CYP46A1: variants seen among roughly 807,000 people sequenced by gnomAD.
CYP46A1 encodes the protein cholesterol 24-hydroxylase.
Under a neutral mutation model 63.3 loss-of-function variants are expected in CYP46A1, and 20 were observed. The observed-to-expected ratio is 0.32, with a 90% CI of 0.22 to 0.46. CYP46A1 has a LOEUF of 0.46. Ranked by LOEUF, CYP46A1 falls within the 20% of genes least tolerant of loss-of-function variation. CYP46A1 has a pLI of 1.00. For missense variants in CYP46A1, 445 were observed against 670.8 expected (o/e 0.66, Z 3.72); for synonymous variants, 268 against 273.6 (o/e 0.98, Z 0.20).
At chr14:99,689,374 CA>C (rs1481274491) in intron 1 of CYP46A1, among the ~76,000 whole-genome samples, 4 of 152,172 alleles carry the variant, frequency 2.6e-5, no homozygotes, top group Non-Finnish European at 4.4e-5. Context: ...ACCAATAAAA[CA>C]AGTTACCTCT....
intron 1 of CYP46A1, among the ~76,000 whole-genome samples, chr14:99,690,157 C>T (rs532073523): frequency 3.3e-5 from 5 of 152,334 alleles, no homozygotes; most frequent in Admixed American, 1.3e-4. Flanking sequence ...AGGGACACTG[C>T]GTGCCCTGCC....
At chr14:99,694,892 T>C (rs2056574387) in intron 3 of CYP46A1, among the ~76,000 whole-genome samples, 1 of 152,244 alleles carries the variant, frequency 6.6e-6, no homozygotes, top group Non-Finnish European at 1.5e-5. Context: ...AACAATTGAT[T>C]TTAGACATTT....
intron 8 of CYP46A1, 52 bp downstream of exon 8, chr14:99,716,012 C>T (rs749501515): frequency 6.2e-7 from 1 of 1,600,932 alleles, no homozygotes; most frequent in African/African-American, 1.3e-5. Context: ...CCAGGACGTT[C>T]CCCAGGTGAT....
At chr14:99,687,355 T>C (rs747341838) in intron 1 of CYP46A1, among the ~76,000 whole-genome samples, 5 of 152,220 alleles carry the variant, frequency 3.3e-5, no homozygotes, top group Non-Finnish European at 7.3e-5. Flanking sequence ...TGGGGATAAA[T>C]TGACTCCTCC....
intron 7 of CYP46A1, chr14:99,709,282 T>A (rs1595196386): frequency 6.6e-6 from 1 of 151,910 alleles, no homozygotes; most frequent in Admixed American, 6.6e-5. Flanking sequence ...AGAACACAGA[T>A]AAAAATGCAA....
At chr14:99,701,266 A>G (rs2056628413) in intron 5 of CYP46A1, among the ~76,000 whole-genome samples, 1 of 152,216 alleles carries the variant, frequency 6.6e-6, no homozygotes, top group South Asian at 2.1e-4. Context: ...AGCGTGCAGT[A>G]ATGTCCTAGG....
intron 3 of CYP46A1, 71 bp downstream of exon 3, chr14:99,691,932 C>A: frequency 1.3e-6 from 2 of 1,481,766 alleles, no homozygotes; most frequent in South Asian, 1.1e-5. Flanking sequence ...AAGCCTGGTC[C>A]CAGAGACTTT....
chr14:99,698,718 G>A (rs943070407), intron 3 of CYP46A1, among the ~76,000 whole-genome samples: 3 of 152,236 alleles, frequency 2.0e-5, no homozygotes, highest in Admixed American at 6.5e-5. Context: ...AGCATGTGGT[G>A]CAGCAGGGAT....
At chr14:99,702,961 GC>G (rs2056644914) in intron 5 of CYP46A1, among the ~76,000 whole-genome samples, 4 of 151,984 alleles carry the variant, frequency 2.6e-5, no homozygotes, top group African/African-American at 2.4e-5. Flanking sequence ...TGTCACTTTA[GC>G]CCCCTTTATT....
intron 7 of CYP46A1, chr14:99,709,640 C>A (rs539178727): frequency 6.6e-6 from 1 of 152,158 alleles, no homozygotes; most frequent in Non-Finnish European, 1.5e-5. Flanking sequence ...TAGCTGAAAA[C>A]TTCTCAAGTC....
In CYP46A1 at chr14:99,722,594, C is replaced by A. The variant is rs1465238798; in HGVS notation, c.1176+528C>A. ...CAGGAAACTAGGATATAGTCACTCC[C>A]TGCTCCGCTGACAAGGAATCACTAA... On this transcript the variant is annotated intron_variant, in intron 12 of 14. Transcript: ENST00000261835. This position sits in a 1 kb window ranked among gnomAD's most constrained non-coding sequence, Gnocchi z 4.6. Among the ~76,000 whole-genome samples the A allele has an allele frequency of 6.6e-6, 1 of 151,678 alleles. No homozygotes were observed. The highest frequency in any genetic ancestry group is 2.4e-5 in the African/African-American group (1 of 41,328).
intron 3 of CYP46A1, 78 bp downstream of exon 3, chr14:99,691,939 C>G: frequency 7.0e-7 from 1 of 1,431,638 alleles, no homozygotes; most frequent in Non-Finnish European, 9.8e-7. Context: ...GTCCCAGAGA[C>G]TTTGGATGAA....
rs529027937 is a variant in CYP46A1, at chr14:99,726,852, C to A, written c.*125C>A. 1.2e-6 allele frequency: 1 copy of A among 803,204 alleles called. No homozygotes were observed. The highest frequency in any genetic ancestry group is 1.8e-6 in the Non-Finnish European group (1 of 550,966). The allele number at this position is 803,204 out of a possible 1,614,324, so 49.8% of individuals were successfully genotyped here. Reference sequence around the variant, plus strand: ...GGCCACCCTTCACGCTGGCTTCCAGCGGGCCCTCTGCCGACCGCCTGCTTC... The same window carrying A: ...GGCCACCCTTCACGCTGGCTTCCAGAGGGCCCTCTGCCGACCGCCTGCTTC... On this transcript the variant is annotated 3_prime_UTR_variant, in exon 15 of 15. Transcript: ENST00000261835.
rs143827285 is a variant in CYP46A1, at chr14:99,703,558, G to T, written c.444-3089G>T. 14 of 984,658 alleles carry T rather than the reference G, an allele frequency of 1.4e-5. No homozygotes were observed. In the East Asian group the frequency reaches 1.4e-3, roughly 96 times the overall value. 61.0% of individuals were successfully genotyped at this position (984,658 alleles called of 1,614,324 possible). A position where few individuals can be genotyped will look rare whatever the true frequency, so the allele number is the denominator to read the frequency against. ...TCTGGAAACCACTGTGCTTTTTCTGGCATCTCTGCTGTTCCCACTGCCTCA... is the reference window on the plus strand; with the variant it reads ...TCTGGAAACCACTGTGCTTTTTCTGTCATCTCTGCTGTTCCCACTGCCTCA... On this transcript the variant is annotated intron_variant, in intron 5 of 14. Transcript: ENST00000261835.
At chr14:99,690,436 T>G (rs1316782296) in intron 1 of CYP46A1, among the ~76,000 whole-genome samples, 1 of 152,176 alleles carries the variant, frequency 6.6e-6, no homozygotes, top group African/African-American at 2.4e-5. Flanking sequence ...TGGGAGAACG[T>G]GATTTTGTTG....
At position 99,699,524 on chromosome 14, in the gene CYP46A1, C is replaced by A; in HGVS notation, c.341C>A (p.Thr114Asn). 6.2e-7 allele frequency: 1 copy of A among 1,614,172 alleles called. No homozygotes were observed. Among genetic ancestry groups the A allele is most frequent in the Middle Eastern group, 1.6e-4 (1 of 6,062 alleles). The change falls in exon 4 of 15, where the codon ACT becomes AAT. Residue 114 changes from threonine to asparagine, a missense_variant. Coordinates refer to ENST00000261835, the MANE Select transcript of CYP46A1 (RefSeq NM_006668.2). ...TCCAAGATGTACCGTGCGCTCCAGA[C>A]TGTGTTTGGTGAGAGGTAAGGAGGT... ...KDSKMYRALQ[T>N]VFGERLFGQG...
intron 1 of CYP46A1, among the ~76,000 whole-genome samples, chr14:99,689,449 A>C (rs1217358812): frequency 6.6e-6 from 1 of 152,154 alleles, no homozygotes; most frequent in Non-Finnish European, 1.5e-5. Flanking sequence ...GCCCAGAGCT[A>C]CCCCAGAAGT....
At chr14:99,708,839 C>T (rs1378776132) in intron 7 of CYP46A1, 1 of 152,332 alleles carries the variant, frequency 6.6e-6, no homozygotes, top group Non-Finnish European at 1.5e-5. Context: ...CCACTGTTGC[C>T]ACCAGTGATG....
At chr14:99,691,618 A>G in intron 2 of CYP46A1, 162 bp from the exon 3 acceptor site, 1 of 653,742 alleles carries the variant, frequency 1.5e-6, no homozygotes, top group Non-Finnish European at 2.7e-6. Context: ...AACAGGGCAG[A>G]GCCTTGCCCC....
Sources: gnomAD v4.1 joint callset for allele counts (sites outside exome capture counted in the v4.1 genomes callset) on GRCh38, gnomAD v4.1.1 for gene constraint, Gnocchi (gnomAD v3.1) non-coding constraint, MANE v1.5 for transcripts, NCBI Gene and HGNC (gene_info 2026-07-23, HGNC 2026-07-21) for gene names.